The following MMP17 variants were observed in gnomAD, a reference collection of about 807,000 sequenced individuals.
The protein encoded by MMP17 is matrix metallopeptidase 17.
A neutral mutation model predicts 49.1 loss-of-function variants in MMP17; 54 were observed. The observed-to-expected ratio is 1.10, with a 90% CI of 0.88 to 1.38. The LOEUF is 1.38. Among genes scored for constraint, MMP17 ranks in the 40% most tolerant of loss-of-function variants. The pLI, the probability that MMP17 is intolerant of heterozygous loss-of-function variation, is 0.00. For synonymous variants in MMP17, 397 were observed against 383.1 expected (o/e 1.04, Z -0.42); for missense variants, 837 against 853.7 (o/e 0.98, Z 0.24).
rs745522975 is a variant in MMP17, at chr12:131,845,406, C to T, written c.1161C>T (p.Ala387=). The T allele has an allele frequency of 7.6e-6, 12 of 1,584,548 alleles. No homozygotes were observed. The highest frequency in any genetic ancestry group is 3.3e-5 in the South Asian group (3 of 90,692). The change falls in exon 8 of 10, where the codon GCC becomes GCT. Residue 387 remains alanine, a synonymous_variant. Transcript: ENST00000360564. ...CGCTGCACCTGGACAGCGTGGACGC[C>T]GTGTACGAGCGCACCAGCGACCACA... is the stretch of plus-strand genomic sequence containing the variant. The part of the protein sequence containing the change: ...GLPLHLDSVD[A]VYERTSDHKI...
intron 9 of MMP17, 152 bp downstream of exon 9, chr12:131,850,211 G>C: frequency 2.7e-6 from 3 of 1,120,924 alleles, no homozygotes; most frequent in Non-Finnish European, 3.7e-6. Flanking sequence ...TGGAGCTGCC[G>C]ACCCTGCAGG....
chr12:131,829,804 T>C (rs1886700511), intron 1 of MMP17, among the ~76,000 whole-genome samples: 1 of 152,216 alleles, frequency 6.6e-6, no homozygotes, highest in Non-Finnish European at 1.5e-5. Context: ...GGGGTCTGGA[T>C]GGGAAGCCGA....
rs1886618616 is a variant in MMP17, at chr12:131,828,453, G to GCGCGGGACCCTGCACGC, written c.-38_-22dup. The GCGCGGGACCCTGCACGC allele has an allele frequency of 1.0e-6, 1 of 982,918 alleles. No homozygotes were observed. Among genetic ancestry groups the GCGCGGGACCCTGCACGC allele is most frequent in the Admixed American group, 6.2e-5 (1 of 16,258 alleles). 60.9% of individuals were successfully genotyped at this position (982,918 alleles called of 1,614,324 possible). The stretch of plus-strand genomic sequence containing the variant: ...CGGGCTGCGGAACGCGAAGCGGAGG[G>GCGCGGGACCCTGCACGC]CGCGGGACCCTGCACGCCGCCCGCG... On this transcript the variant is annotated 5_prime_UTR_variant, in exon 1 of 10. Transcript: ENST00000360564.
rs992439655 is a variant in MMP17, at chr12:131,846,127, T to A, written c.1204+678T>A. ...CAGGGCTGCAGGACAGAGACCCCCA[T>A]GCTGGGCTGAAACACCCGGAGTTTC... On this transcript the variant is annotated intron_variant, in intron 8 of 9. Transcript: ENST00000360564. The surrounding 1 kb of genome is among the most constrained non-coding windows in gnomAD (Gnocchi z 4.6). Among the ~76,000 whole-genome samples the A allele has an allele frequency of 6.6e-6, 1 of 152,148 alleles. No individual in the cohort carries two copies. The highest frequency in any genetic ancestry group is 1.5e-5 in the Non-Finnish European group (1 of 68,016).
chr12:131,843,976 C>T (rs1298350781), intron 5 of MMP17, 21 bp from the exon 6 acceptor site: 4 of 1,527,912 alleles, frequency 2.6e-6, no homozygotes, highest in East Asian at 2.5e-5. Flanking sequence ...TTGAGGCCGT[C>T]CTCCTCCTTG....
At position 131,841,864 on chromosome 12, in the gene MMP17, C is replaced by T. The variant is rs952829261; in HGVS notation, c.883+64C>T. 1.3e-5 allele frequency: 19 copies of T among 1,475,636 alleles called. No homozygotes were observed. The Admixed American group carries it at 1.7e-4, about 13-fold the overall frequency. 91.4% of individuals were successfully genotyped at this position (1,475,636 alleles called of 1,614,324 possible). ...AGAGGGGTCAGAAACCCCAGGCACC[C>T]CTGAGCAGAGCCCCCCCGGGAGGGT... On this transcript the variant is annotated intron_variant, in intron 5 of 9. Transcript: ENST00000360564.
chr12:131,849,171 T>C (rs1262663408), intron 8 of MMP17, among the ~76,000 whole-genome samples: 1 of 152,154 alleles, frequency 6.6e-6, no homozygotes, highest in Non-Finnish European at 1.5e-5. Flanking sequence ...CTCAATGCCA[T>C]CTATATTTCT....
chr12:131,844,314 C>T (rs960832821), intron 6 of MMP17: 12 of 538,542 alleles, frequency 2.2e-5, no homozygotes, highest in African/African-American at 6.0e-5. Flanking sequence ...CTCTCCCCCT[C>T]GTCCCTGTCA....
intron 4 of MMP17, 137 bp from the exon 5 acceptor site, chr12:131,841,487 C>T (rs894081967): frequency 4.4e-5 from 40 of 910,504 alleles, no homozygotes; most frequent in Non-Finnish European, 6.0e-5. Context: ...CCCAGTAACC[C>T]TGCAGAATCC....
chr12:131,845,326 C>T lies in MMP17; in HGVS notation c.1081C>T (p.Arg361Trp), dbSNP rs751898074. The T allele has an allele frequency of 3.8e-5, 61 of 1,605,302 alleles. No homozygotes were observed. Among genetic ancestry groups the T allele is most frequent in the Non-Finnish European group, 4.8e-5 (57 of 1,175,290 alleles). ...GTACTTCTGGCGGCTGACGCGGGACCGGCACCTGGTGTCCCTGCAGCCGGC... is the reference window on the plus strand; with the variant it reads ...GTACTTCTGGCGGCTGACGCGGGACTGGCACCTGGTGTCCCTGCAGCCGGC... ...GKYFWRLTRD[R>W]HLVSLQPAQM... is the part of the protein sequence containing the mutation. The change falls in exon 8 of 10, where the codon CGG becomes TGG. Residue 361 changes from arginine to tryptophan, a missense_variant. Physicochemically the swap from Arg to Trp is moderately radical, Grantham distance 101. Coordinates refer to ENST00000360564, the MANE Select transcript of MMP17 (RefSeq NM_016155.7).
intron 6 of MMP17, chr12:131,844,899 G>A (rs112987343): frequency 0.034 from 19,361 of 564,288 alleles, 443 homozygotes; most frequent in Non-Finnish European, 0.045. Context: ...GCTCCCTGGC[G>A]CTCTGTATGC....
At chr12:131,847,759 G>C (rs1025894035) in intron 8 of MMP17, among the ~76,000 whole-genome samples, 3 of 152,270 alleles carry the variant, frequency 2.0e-5, no homozygotes, top group African/African-American at 7.2e-5. Flanking sequence ...CCTGGATGAG[G>C]TGTGTCTGCA....
intron 8 of MMP17, among the ~76,000 whole-genome samples, chr12:131,845,946 G>A (rs1236061476): frequency 2.0e-5 from 3 of 152,280 alleles, no homozygotes; most frequent in South Asian, 2.1e-4. Context: ...GTGAGGGGCC[G>A]TGGCTGCTAG....
chr12:131,849,083 G>A (rs1459780009), intron 8 of MMP17, among the ~76,000 whole-genome samples: 1 of 152,188 alleles, frequency 6.6e-6, no homozygotes, highest in Non-Finnish European at 1.5e-5. Flanking sequence ...GACTTTCCAC[G>A]TTCTTGACAG....
chr12:131,833,251 G>A (rs538778389), intron 1 of MMP17, among the ~76,000 whole-genome samples: 2 of 152,266 alleles, frequency 1.3e-5, no homozygotes, highest in Non-Finnish European at 2.9e-5. Context: ...ACGTGGGCAT[G>A]GTTGGGTAGT....
At position 131,845,315 on chromosome 12, in the gene MMP17, T is replaced by C. The variant is rs748828858; in HGVS notation, c.1070T>C (p.Leu357Pro). ...FFFKGKYFWR[L>P]TRDRHLVSLQ... ...CCCCCAGGCAAGTACTTCTGGCGGC[T>C]GACGCGGGACCGGCACCTGGTGTCC... Residue 357 changes from leucine (L) to proline (P), a missense_variant, in exon 8 of 10, where the codon CTG (leucine) becomes CCG (proline). Leu to Pro is a moderately conservative substitution (Grantham distance 98). Transcript: ENST00000360564. The C allele has an allele frequency of 6.2e-6, 10 of 1,607,378 alleles. No homozygotes were observed. The highest frequency in any genetic ancestry group is 8.5e-6 in the Non-Finnish European group (10 of 1,175,848).
In MMP17 at chr12:131,845,129, A is replaced by T. The variant is rs373131012; in HGVS notation, c.980A>T (p.Asp327Val). 1 of 1,600,052 alleles carries T rather than the reference A, an allele frequency of 6.2e-7. No homozygotes were observed. Among genetic ancestry groups the T allele is most frequent in the Non-Finnish European group, 8.5e-7 (1 of 1,176,272 alleles). The change falls in exon 7 of 10, where the codon GAC (aspartate) becomes GTC (valine). Residue 327 changes from aspartate (D) to valine (V), a missense_variant. Physicochemically the swap from Asp to Val is radical, Grantham distance 152. Transcript: ENST00000360564. ...CTCTCTCCCTGCAGGCCCAGGAAGG[A>T]CGTGCCCCACAGATGCAGCACTCAC... ...DNRSSAPPRK[D>V]VPHRCSTHFD...
chr12:131,850,382 CA>C (rs750922724), intron 9 of MMP17, among the ~76,000 whole-genome samples: 1 of 152,196 alleles, frequency 6.6e-6, no homozygotes, highest in Non-Finnish European at 1.5e-5. Flanking sequence ...GATGTCCACA[CA>C]GCCCCTCCCT....
intron 1 of MMP17, among the ~76,000 whole-genome samples, chr12:131,830,709 G>A (rs971339431): frequency 2.0e-5 from 3 of 152,130 alleles, no homozygotes; most frequent in Admixed American, 2.0e-4. Context: ...TCTCAGAGCT[G>A]CAGACAGAGC....
Sources: allele counts gnomAD v4.1 joint callset (sites outside exome capture counted in the v4.1 genomes callset), GRCh38; gene constraint gnomAD v4.1.1; non-coding constraint Gnocchi (gnomAD v3.1); transcripts MANE v1.5; gene names NCBI Gene and HGNC (gene_info 2026-07-23, HGNC 2026-07-21).